The following PRKN variants were observed in gnomAD, a reference collection of about 807,000 sequenced individuals.
The protein encoded by PRKN is E3 ubiquitin-protein ligase parkin.
A neutral mutation model predicts 59.5 loss-of-function variants in PRKN; 56 were observed. The observed-to-expected ratio is 0.94, with a 90% confidence interval of 0.76 to 1.18. PRKN has a LOEUF of 1.18. Among genes scored for constraint, PRKN ranks in the 50% most tolerant of loss-of-function variants. The pLI, the probability that PRKN is intolerant of heterozygous loss-of-function variation, is 0.00. For missense variants in PRKN, 657 were observed against 596.4 expected (o/e 1.10, Z -1.06); for synonymous variants, 250 against 222.1 (o/e 1.13, Z -1.12).
intron 5 of PRKN, among the ~76,000 whole-genome samples, chr6:161,977,693 G>T (rs560413821): frequency 1.3e-5 from 2 of 151,170 alleles, no homozygotes; most frequent in African/African-American, 4.9e-5. Flanking sequence ...ACCACAAGGC[G>T]CCCGCCACCA....
intron 7 of PRKN, among the ~76,000 whole-genome samples, chr6:161,696,624 G>A (rs2128177521): frequency 6.6e-6 from 1 of 152,228 alleles, no homozygotes; most frequent in East Asian, 1.9e-4. Flanking sequence ...GTATCATGCA[G>A]GCATACATGT....
intron 2 of PRKN, among the ~76,000 whole-genome samples, chr6:162,310,824 T>G (rs1193344877): frequency 6.6e-6 from 1 of 151,864 alleles, no homozygotes; most frequent in Admixed American, 6.6e-5. Flanking sequence ...GTACAATTTT[T>G]AAAAACTAGT....
intron 3 of PRKN, among the ~76,000 whole-genome samples, chr6:162,239,558 G>T (rs1344491384): frequency 6.6e-6 from 1 of 151,992 alleles, no homozygotes; most frequent in Non-Finnish European, 1.5e-5. Context: ...CGGCATCTCG[G>T]CTTCGTGGGA....
intron 6 of PRKN, among the ~76,000 whole-genome samples, chr6:161,920,810 C>A (rs890560140): frequency 6.6e-6 from 1 of 151,812 alleles, no homozygotes; most frequent in South Asian, 2.1e-4. Flanking sequence ...AGAAACGTAC[C>A]CCTGAATAGG....
At chr6:162,440,633 A>T (rs2128166583) in intron 2 of PRKN, among the ~76,000 whole-genome samples, 1 of 152,206 alleles carries the variant, frequency 6.6e-6, no homozygotes, top group Admixed American at 6.5e-5. Context: ...AGAATACGAA[A>T]CCAGGAGGAA....
chr6:162,589,486 C>T (rs1781211864), intron 1 of PRKN, among the ~76,000 whole-genome samples: 1 of 152,160 alleles, frequency 6.6e-6, no homozygotes, highest in Non-Finnish European at 1.5e-5. Flanking sequence ...GTTTAAACAG[C>T]TGTACTCATA....
intron 2 of PRKN, among the ~76,000 whole-genome samples, chr6:162,384,756 C>A (rs565581778): frequency 6.6e-6 from 1 of 151,478 alleles, no homozygotes; most frequent in East Asian, 1.9e-4. Context: ...ATTTATTACA[C>A]GCTGCATTTC....
chr6:162,440,827 A>C (rs1218452478), intron 2 of PRKN, among the ~76,000 whole-genome samples: 3 of 151,976 alleles, frequency 2.0e-5, no homozygotes, highest in Non-Finnish European at 4.4e-5. Context: ...AGCACCTGTA[A>C]TGATAATGGG....
chr6:162,132,579 T>A (rs1207500587), intron 4 of PRKN, among the ~76,000 whole-genome samples: 1 of 152,166 alleles, frequency 6.6e-6, no homozygotes, highest in Non-Finnish European at 1.5e-5. Flanking sequence ...TGTACTGGAA[T>A]AATAACGACG....
chr6:161,729,671 C>T (rs1562637958), intron 7 of PRKN, among the ~76,000 whole-genome samples: 1 of 152,188 alleles, frequency 6.6e-6, no homozygotes, highest in South Asian at 2.1e-4. Context: ...TGAGGGAGCA[C>T]TAAAATTGGC....
chr6:161,579,927 A>T lies in PRKN; in HGVS notation c.872-10511T>A, dbSNP rs1231160637. On this transcript the variant is annotated intron_variant, in intron 7 of 11. Coordinates refer to ENST00000366898, the MANE Select transcript of PRKN (RefSeq NM_004562.3). The surrounding 1 kb of genome is among the most constrained non-coding windows in gnomAD (Gnocchi z 4.2). ...CATTCATTACTGAAAGGCATCTTTC[A>T]AATTCTTATAAAAAACAAAACCCAT... Among the ~76,000 whole-genome samples the T allele has an allele frequency of 1.3e-5, 2 of 152,230 alleles. No homozygotes were observed. Among genetic ancestry groups the T allele is most frequent in the East Asian group, 1.9e-4 (1 of 5,194 alleles).
intron 1 of PRKN, among the ~76,000 whole-genome samples, chr6:162,470,152 G>C (rs1399974574): frequency 1.3e-5 from 2 of 152,046 alleles, no homozygotes; most frequent in East Asian, 3.9e-4. Context: ...GACATCCTCT[G>C]GACAAAGACA....
intron 5 of PRKN, among the ~76,000 whole-genome samples, chr6:161,982,126 T>C (rs2128254641): frequency 6.6e-6 from 1 of 152,330 alleles, no homozygotes; most frequent in South Asian, 2.1e-4. Flanking sequence ...ATTCCAGGTG[T>C]AATGCCACTC....
At chr6:161,663,024 T>A (rs1032476646) in intron 7 of PRKN, among the ~76,000 whole-genome samples, 1 of 152,182 alleles carries the variant, frequency 6.6e-6, no homozygotes, top group African/African-American at 2.4e-5. Flanking sequence ...TGATAATGAA[T>A]AAGTCTCACA....
chr6:162,016,636 G>A (rs577962122), intron 5 of PRKN, among the ~76,000 whole-genome samples: 35 of 152,048 alleles, frequency 2.3e-4, no homozygotes, highest in Non-Finnish European at 4.9e-4. Flanking sequence ...CACTCTCCTC[G>A]TGGCTGACCC....
At chr6:161,662,717 T>C (rs1481883582) in intron 7 of PRKN, among the ~76,000 whole-genome samples, 2 of 152,144 alleles carry the variant, frequency 1.3e-5, no homozygotes, top group African/African-American at 4.8e-5. Flanking sequence ...GTTCCTAACC[T>C]GTATCTGAAA....
chr6:161,508,455 CG>C (rs1562493683), intron 9 of PRKN, among the ~76,000 whole-genome samples: 2 of 152,136 alleles, frequency 1.3e-5, no homozygotes, highest in South Asian at 4.2e-4. Flanking sequence ...ACCTCGGAAA[CG>C]CTTTTCCTGA....
intron 6 of PRKN, among the ~76,000 whole-genome samples, chr6:161,862,384 A>AG (rs1056178683): frequency 6.6e-6 from 1 of 152,218 alleles, no homozygotes; most frequent in Admixed American, 6.5e-5. Context: ...AGAGAGAGTA[A>AG]GGCTGGTGGT....
At position 161,546,506 on chromosome 6, in the gene PRKN, G is replaced by C. The variant is rs1779800723; in HGVS notation, c.1083+2348C>G. Among the ~76,000 whole-genome samples the C allele has an allele frequency of 6.6e-6, 1 of 152,198 alleles. No homozygotes were observed. Among genetic ancestry groups the C allele is most frequent in the Non-Finnish European group, 1.5e-5 (1 of 68,046 alleles). ...AAGCAATGGGAATGGACATAAGCTTGCAAAAGTGTATGGAGACTGGGGCAA... is the reference window on the plus strand; with the variant it reads ...AAGCAATGGGAATGGACATAAGCTTCCAAAAGTGTATGGAGACTGGGGCAA... On this transcript the variant is annotated intron_variant, in intron 9 of 11. Transcript: ENST00000366898. The surrounding 1 kb of genome is among the most constrained non-coding windows in gnomAD (Gnocchi z 4.4).
Sources: allele counts gnomAD v4.1 joint callset (sites outside exome capture counted in the v4.1 genomes callset), GRCh38; gene constraint gnomAD v4.1.1; non-coding constraint Gnocchi (gnomAD v3.1); transcripts MANE v1.5; gene names NCBI Gene and HGNC (gene_info 2026-07-23, HGNC 2026-07-21).